Variants in MACF1 observed in about 807,000 individuals in gnomAD.
MACF1 encodes microtubule actin crosslinking factor 1, also known as microtubule-actin cross-linking factor 1.
A neutral mutation model predicts 854.8 loss-of-function variants in MACF1; 193 were observed. The observed-to-expected ratio is 0.23, with a 90% CI of 0.20 to 0.25. The LOEUF (loss-of-function observed/expected upper bound fraction) is 0.25. Ranked by LOEUF, MACF1 falls within the 10% of genes least tolerant of loss-of-function variation. The probability of loss-of-function intolerance (pLI) is 1.00; values close to 1 mark genes in which losing one functional copy is unlikely to be tolerated. For missense variants in MACF1, 7,722 were observed against 8,929.1 expected (o/e 0.86, Z 5.45); for synonymous variants, 3,185 against 3,226.7 (o/e 0.99, Z 0.44).
rs555453432 is a variant in MACF1, at chr1:39,370,838, G to A, written c.13095+652G>A. 2.4e-4 allele frequency among the ~76,000 whole-genome samples: 37 copies of A among 152,008 alleles called. 1 individual carries two copies. Among genetic ancestry groups the A allele is most frequent in the African/African-American group, 8.7e-4 (36 of 41,448 alleles). On this transcript the variant is annotated intron_variant, in intron 51 of 100. Coordinates refer to ENST00000564288, the MANE Select transcript of MACF1 (RefSeq NM_001394062.1). ...ATGGTGTTTTAAGAAATTTGTCATG[G>A]CACCTCAAGGCCAAAAAAAACAGAA... is the stretch of plus-strand genomic sequence containing the variant.
chr1:39,292,868 A>C (rs1323973745), intron 17 of MACF1, 25 bp downstream of exon 17: 4 of 1,581,996 alleles, frequency 2.5e-6, no homozygotes, highest in Non-Finnish European at 3.5e-6. Context: ...ATTCTCTTAC[A>C]TTCTGCTCAT....
At chr1:39,142,780 C>T (rs1022062033) in intron 2 of MACF1, among the ~76,000 whole-genome samples, 2 of 152,220 alleles carry the variant, frequency 1.3e-5, no homozygotes, top group African/African-American at 2.4e-5. Flanking sequence ...TCCCAACCTG[C>T]TGAGTCACCA....
At chr1:39,192,157 A>G (rs927167145) in intron 2 of MACF1, among the ~76,000 whole-genome samples, 1 of 152,164 alleles carries the variant, frequency 6.6e-6, no homozygotes, top group Non-Finnish European at 1.5e-5. Flanking sequence ...TCTCAAAAAA[A>G]GAAAAAAACA....
At chr1:39,327,553 CACTT>C (rs764048955) in intron 36 of MACF1, among the ~76,000 whole-genome samples, 200 bp downstream of exon 36, 4 of 152,196 alleles carry the variant, frequency 2.6e-5, no homozygotes, top group Non-Finnish European at 4.4e-5. Context: ...CACTAGAAGA[CACTT>C]ACAACTAACC....
intron 97 of MACF1, among the ~76,000 whole-genome samples, chr1:39,475,062 GTAC>G (rs965467917): frequency 5.9e-5 from 9 of 152,266 alleles, no homozygotes; most frequent in African/African-American, 2.2e-4. Flanking sequence ...TGGGTCCTGG[GTAC>G]TTACCACATT....
At chr1:39,288,282 A>G (rs1198625786) in intron 15 of MACF1, among the ~76,000 whole-genome samples, 1 of 151,752 alleles carries the variant, frequency 6.6e-6, no homozygotes, top group Non-Finnish European at 1.5e-5. Flanking sequence ...GTGGATCACA[A>G]GCTCAGGAGA....
At position 39,324,115 on chromosome 1, in the gene MACF1, T is replaced by TC. The variant is rs1483046757; in HGVS notation, c.4237-77dup. On this transcript the variant is annotated intron_variant, in intron 33 of 100. Transcript: ENST00000564288. ...AACTGTATCTGTTTTTAGGAAGACT[T>TC]CATTTAAGAAAATCTGAAGTCGTGC... The TC allele has an allele frequency of 1.3e-5, 19 of 1,433,902 alleles. No individual in the cohort carries two copies. The Admixed American group carries it at 4.3e-4, about 32-fold the overall frequency. The allele number at this position is 1,433,902 out of a possible 1,614,324, so 88.8% of individuals were successfully genotyped here.
chr1:39,444,561 T>A, intron 79 of MACF1, 101 bp from the exon 80 acceptor site: 1 of 981,144 alleles, frequency 1.0e-6, no homozygotes, highest in South Asian at 1.9e-5. Context: ...GTAATCAAGA[T>A]GAGCCCTTCC....
intron 2 of MACF1, among the ~76,000 whole-genome samples, chr1:39,247,026 C>G (rs896777949): frequency 2.3e-4 from 35 of 149,490 alleles, no homozygotes; most frequent in African/African-American, 7.7e-4. Flanking sequence ...CTCAGCCTCT[C>G]GAGTAGCTGG....
chr1:39,114,567 GA>G (rs1169698242), intron 2 of MACF1, among the ~76,000 whole-genome samples: 2 of 152,172 alleles, frequency 1.3e-5, no homozygotes, highest in African/African-American at 4.8e-5. Context: ...CTCCAGCCTG[GA>G]TGACAGAGGA....
chr1:39,411,021 C>T, intron 58 of MACF1: 2 of 1,613,944 alleles, frequency 1.2e-6, no homozygotes, highest in Non-Finnish European at 1.7e-6. Flanking sequence ...TGCAGGAATC[C>T]AGATTCTCAA....
chr1:39,148,283 G>A (rs1557482651), intron 2 of MACF1, among the ~76,000 whole-genome samples: 1 of 152,258 alleles, frequency 6.6e-6, no homozygotes, highest in East Asian at 1.9e-4. Context: ...TTGTTGGGCT[G>A]TATATAGAGT....
intron 64 of MACF1, among the ~76,000 whole-genome samples, chr1:39,429,568 C>T (rs1319085771): frequency 6.6e-6 from 1 of 152,152 alleles, no homozygotes; most frequent in Non-Finnish European, 1.5e-5. Flanking sequence ...TGAATGCCAA[C>T]ATGCACTGAA....
At chr1:39,390,134 G>A (rs1423287353) in intron 58 of MACF1, among the ~76,000 whole-genome samples, 1 of 152,190 alleles carries the variant, frequency 6.6e-6, no homozygotes. Flanking sequence ...ATACGTAAAA[G>A]TCTCTCACTC....
intron 58 of MACF1, among the ~76,000 whole-genome samples, chr1:39,396,470 TA>T (rs1365152860): frequency 6.6e-6 from 1 of 152,130 alleles, no homozygotes; most frequent in Non-Finnish European, 1.5e-5. Context: ...AAGGAAGAAA[TA>T]TATTTCCAGA....
intron 6 of MACF1, among the ~76,000 whole-genome samples, chr1:39,262,271 G>A (rs58168071): frequency 0.023 from 3,493 of 151,744 alleles, 77 homozygotes; most frequent in East Asian, 0.13. Context: ...GTGTGTTGGC[G>A]CACTGTAGTC....
At position 39,460,018 on chromosome 1, in the gene MACF1, G is replaced by A. The variant is rs1217272676; in HGVS notation, c.21361-614G>A. Among the ~76,000 whole-genome samples the A allele has an allele frequency of 6.6e-6, 1 of 152,140 alleles. No homozygotes were observed. The highest frequency in any genetic ancestry group is 2.4e-5 in the African/African-American group (1 of 41,424). On this transcript the variant is annotated intron_variant, in intron 91 of 100. Coordinates refer to ENST00000564288, the MANE Select transcript of MACF1 (RefSeq NM_001394062.1). The surrounding 1 kb of genome is among the most constrained non-coding windows in gnomAD (Gnocchi z 4.1). ...ACGTAGACTTAAGTAGCTGAAAATT[G>A]TCTTGCCCACTGCATAGGCCTGCTG...
At chr1:39,419,356 G>C (rs1643444530) in intron 58 of MACF1, among the ~76,000 whole-genome samples, 1 of 152,176 alleles carries the variant, frequency 6.6e-6, no homozygotes, top group South Asian at 2.1e-4. Flanking sequence ...AGTTGCAGTA[G>C]CTCTTATTAT....
intron 58 of MACF1, among the ~76,000 whole-genome samples, chr1:39,391,659 T>C (rs1049464997): frequency 1.3e-5 from 2 of 152,238 alleles, no homozygotes; most frequent in Non-Finnish European, 2.9e-5. Flanking sequence ...TGAGGACAAG[T>C]CATCTTTTCC....
Sources: gnomAD v4.1 joint callset for allele counts (sites outside exome capture counted in the v4.1 genomes callset) on GRCh38, gnomAD v4.1.1 for gene constraint, Gnocchi (gnomAD v3.1) non-coding constraint, MANE v1.5 for transcripts, NCBI Gene and HGNC (gene_info 2026-07-23, HGNC 2026-07-21) for gene names.